MGAT4C: variants seen among roughly 807,000 people sequenced by gnomAD.
The protein encoded by MGAT4C is MGAT4 family member C, also known as alpha-1,3-mannosyl-glycoprotein 4-beta-N-acetylglucosaminyltransferase C.
In MGAT4C, 19 loss-of-function variants were observed where a neutral mutation model predicts 40.1. The ratio of observed to expected loss-of-function variants is 0.47; its 90% CI spans 0.33 to 0.70. The LOEUF is 0.70. MGAT4C is among the 30% of genes least tolerant of loss of function. MGAT4C has a pLI of 0.02. For synonymous variants in MGAT4C, 181 were observed against 187.1 expected (o/e 0.97, Z 0.27); for missense variants, 491 against 563.2 (o/e 0.87, Z 1.30).
At chr12:86,607,893 C>T (rs900893839) in intron 2 of MGAT4C, among the ~76,000 whole-genome samples, 1 of 151,974 alleles carries the variant, frequency 6.6e-6, no homozygotes, top group Non-Finnish European at 1.5e-5. Flanking sequence ...TATCTTTATG[C>T]CATCATTATT....
At chr12:86,153,095 G>A (rs558139811) in intron 1 of MGAT4C, among the ~76,000 whole-genome samples, 1 of 152,260 alleles carries the variant, frequency 6.6e-6, no homozygotes, top group African/African-American at 2.4e-5. Context: ...CTGAATGACT[G>A]TAGATGTGGT....
intron 1 of MGAT4C, among the ~76,000 whole-genome samples, chr12:86,222,658 C>T (rs754467548): frequency 6.6e-6 from 1 of 152,068 alleles, no homozygotes; most frequent in Non-Finnish European, 1.5e-5. Flanking sequence ...TCAAAATGAA[C>T]GTTTAAGATT....
chr12:86,535,950 AT>A (rs1159597867), intron 2 of MGAT4C, among the ~76,000 whole-genome samples: 1 of 152,084 alleles, frequency 6.6e-6, no homozygotes, highest in African/African-American at 2.4e-5. Flanking sequence ...TCTTGTCAGT[AT>A]TTTGTTGATG....
At chr12:86,704,414 A>T (rs1950420786) in intron 2 of MGAT4C, among the ~76,000 whole-genome samples, 1 of 152,136 alleles carries the variant, frequency 6.6e-6, no homozygotes, top group Admixed American at 6.6e-5. Flanking sequence ...ACGATGGAAA[A>T]AAAAACATAT....
intron 2 of MGAT4C, among the ~76,000 whole-genome samples, chr12:86,471,277 C>T (rs554004856): frequency 5.3e-5 from 8 of 151,918 alleles, no homozygotes; most frequent in Non-Finnish European, 1.0e-4. Context: ...TGAAAGAAAA[C>T]ATTCTTATCT....
At chr12:86,341,649 G>T (rs1257716144) in intron 3 of MGAT4C, among the ~76,000 whole-genome samples, 1 of 152,206 alleles carries the variant, frequency 6.6e-6, no homozygotes, top group East Asian at 1.9e-4. Context: ...CATCTTTGCT[G>T]TTCAGGAGCC....
chr12:86,797,927 T>G (rs554725034), intron 1 of MGAT4C, among the ~76,000 whole-genome samples: 1 of 152,038 alleles, frequency 6.6e-6, no homozygotes, highest in Non-Finnish European at 1.5e-5. Context: ...TCTGTTTATA[T>G]ACTCCTGAGT....
intron 4 of MGAT4C, among the ~76,000 whole-genome samples, chr12:86,299,755 T>G (rs1566270278): frequency 6.6e-6 from 1 of 152,158 alleles, no homozygotes; most frequent in Non-Finnish European, 1.5e-5. Context: ...CCAAATTATA[T>G]CTTCTATATT....
intron 3 of MGAT4C, among the ~76,000 whole-genome samples, chr12:86,369,432 G>A (rs1955675016): frequency 6.6e-6 from 1 of 151,130 alleles, no homozygotes; most frequent in African/African-American, 2.4e-5. Flanking sequence ...GTCTTCTTTT[G>A]TGTTTTGATA....
intron 2 of MGAT4C, among the ~76,000 whole-genome samples, chr12:86,662,927 T>C (rs1482197089): frequency 1.3e-5 from 2 of 152,176 alleles, no homozygotes; most frequent in African/African-American, 4.8e-5. Context: ...TGAAAGTCAT[T>C]AGTTAATAAA....
intron 1 of MGAT4C, among the ~76,000 whole-genome samples, chr12:86,127,802 A>ATC (rs1880522761): frequency 6.6e-6 from 1 of 152,158 alleles, no homozygotes; most frequent in Non-Finnish European, 1.5e-5. Context: ...CCAGCTCCAC[A>ATC]TCTTGTCCCC....
chr12:86,377,355 G>A (rs568225035), intron 3 of MGAT4C, among the ~76,000 whole-genome samples: 14 of 152,040 alleles, frequency 9.2e-5, no homozygotes, highest in Non-Finnish European at 1.6e-4. Flanking sequence ...CACTGCACCC[G>A]GCTGGCATTT....
At chr12:86,136,193 A>C (rs973139797) in intron 1 of MGAT4C, among the ~76,000 whole-genome samples, 1 of 152,210 alleles carries the variant, frequency 6.6e-6, no homozygotes, top group African/African-American at 2.4e-5. Context: ...TAATTCAATT[A>C]AGAATTATTG....
chr12:86,614,946 A>ATTATTTTGGTATTCT lies in MGAT4C; in HGVS notation c.-229+112262_-229+112263insAGAATACCAAAATAA, dbSNP rs1311060159. 5.9e-5 allele frequency among the ~76,000 whole-genome samples: 9 copies of ATTATTTTGGTATTCT among 151,970 alleles called. No individual in the cohort carries two copies. The South Asian group carries it at 1.2e-3, about 21-fold the overall frequency. On this transcript the variant is annotated intron_variant, in intron 2 of 7. Transcript: ENST00000548651. The stretch of plus-strand genomic sequence containing the variant: ...GAAGTAATATTCTATTTCTTTTGGT[A>ATTATTTTGGTATTCT]TTGGGATTATGGGTATTATTTTATT...
At chr12:86,774,353 C>CTTTCTTTCTTTCTTTT (rs1565981803) in intron 1 of MGAT4C, among the ~76,000 whole-genome samples, 1 of 18,100 alleles carries the variant, frequency 5.5e-5, no homozygotes. Flanking sequence ...CTCTCTCTCT[C>CTTTCTTTCTTTCTTTT]CCCTCTCTCT....
rs150990282 is a variant in MGAT4C at position 86,510,436 on chromosome 12, C to T, written c.-228-75171G>A. On this transcript the variant is annotated intron_variant, in intron 2 of 7. Coordinates refer to the MGAT4C transcript ENST00000548651. ...GCTAGGAAGAAACTGCATCAACTAA[C>T]AGGCAAACTAACCAGCTAACATCAT... 4.6e-3 allele frequency among the ~76,000 whole-genome samples: 701 copies of T among 152,250 alleles called. 6 individuals are homozygous for T. Among genetic ancestry groups the T allele is most frequent in the African/African-American group, 0.016 (675 of 41,560 alleles).
chr12:86,062,833 G>A lies in MGAT4C; in HGVS notation c.-56-13110C>T, dbSNP rs576576623. 9.2e-5 allele frequency among the ~76,000 whole-genome samples: 14 copies of A among 151,946 alleles called. No homozygotes were observed. In the East Asian group the frequency reaches 2.7e-3, roughly 30 times the overall value. On this transcript the variant is annotated intron_variant, in intron 1 of 4. Transcript: ENST00000611864. ...AAGACAAGTTTGGAGAAAAAAGAAT[G>A]AAAAAGAACAAACAAAGCCTCGAAG...
intron 3 of MGAT4C, among the ~76,000 whole-genome samples, chr12:86,357,878 G>C (rs1308747210): frequency 6.6e-6 from 1 of 152,192 alleles, no homozygotes; most frequent in Non-Finnish European, 1.5e-5. Flanking sequence ...GTGATGGGGA[G>C]AATGGAACCA....
intron 1 of MGAT4C, among the ~76,000 whole-genome samples, chr12:86,751,036 A>G (rs1193021206): frequency 6.6e-6 from 1 of 151,990 alleles, no homozygotes; most frequent in African/African-American, 2.4e-5. Flanking sequence ...ATCATAAACC[A>G]AGGGGATGAG....
Sources: allele counts gnomAD v4.1 joint callset (sites outside exome capture counted in the v4.1 genomes callset), GRCh38; gene constraint gnomAD v4.1.1; transcripts MANE v1.5; gene names NCBI Gene and HGNC (gene_info 2026-07-23, HGNC 2026-07-21).